Variants in LONP2 observed in about 807,000 individuals in gnomAD.
The protein encoded by LONP2 is lon protease homolog 2, peroxisomal.
In LONP2, 60 loss-of-function variants were observed where a neutral mutation model predicts 85.6. That is an observed-to-expected ratio of 0.70 (90% CI 0.57 to 0.87). LONP2 has a LOEUF of 0.87. LONP2 is among the 40% of genes least tolerant of loss of function. The pLI is 0.00. For missense variants in LONP2, 860 were observed against 1,063.5 expected (o/e 0.81, Z 2.66); for synonymous variants, 395 against 389.7 (o/e 1.01, Z -0.16).
intron 7 of LONP2, among the ~76,000 whole-genome samples, chr16:48,273,822 C>A (rs1405462629): frequency 6.6e-6 from 1 of 151,924 alleles, no homozygotes; most frequent in Admixed American, 6.6e-5. Context: ...GATATTAACT[C>A]CTAGAAATAC....
chr16:48,251,070 C>A (rs57531822), intron 1 of LONP2, among the ~76,000 whole-genome samples: 1 of 152,314 alleles, frequency 6.6e-6, no homozygotes, highest in East Asian at 1.9e-4. Context: ...TATGTGTAAT[C>A]TACGGAATGA....
At chr16:48,289,107 T>C (rs955090809) in intron 8 of LONP2, among the ~76,000 whole-genome samples, 4 of 152,196 alleles carry the variant, frequency 2.6e-5, no homozygotes, top group African/African-American at 9.7e-5. Context: ...AATGATACTT[T>C]GCAGGAATCT....
At chr16:48,315,703 C>T (rs1287048300) in intron 11 of LONP2, among the ~76,000 whole-genome samples, 1 of 152,094 alleles carries the variant, frequency 6.6e-6, no homozygotes, top group Non-Finnish European at 1.5e-5. Flanking sequence ...TTTGTATACT[C>T]TTTTATTGGT....
At chr16:48,325,300 TACTGACCAGTCC>T (rs1973347513) in intron 11 of LONP2, among the ~76,000 whole-genome samples, 1 of 152,204 alleles carries the variant, frequency 6.6e-6, no homozygotes, top group Admixed American at 6.5e-5. Flanking sequence ...CATGGACTGG[TACTGACCAGTCC>T]ACAGCCTAGG....
intron 2 of LONP2, among the ~76,000 whole-genome samples, chr16:48,255,677 ATAAT>A (rs1971743963): frequency 6.6e-6 from 1 of 151,992 alleles, no homozygotes; most frequent in Non-Finnish European, 1.5e-5. Context: ...CCAGGTGTAG[ATAAT>A]TGAATTATGG....
At chr16:48,339,285 A>G (rs974482548) in intron 12 of LONP2, among the ~76,000 whole-genome samples, 3 of 152,196 alleles carry the variant, frequency 2.0e-5, no homozygotes, top group Admixed American at 6.5e-5. Context: ...GAAAGAGGGG[A>G]CATCAAAATG....
intron 11 of LONP2, among the ~76,000 whole-genome samples, chr16:48,320,274 G>A (rs927703127): frequency 1.3e-5 from 2 of 152,132 alleles, no homozygotes; most frequent in Non-Finnish European, 2.9e-5. Context: ...ACAGATAGGG[G>A]TTAGAAGTTT....
At chr16:48,339,156 A>G (rs1258181177) in intron 12 of LONP2, among the ~76,000 whole-genome samples, 1 of 152,214 alleles carries the variant, frequency 6.6e-6, no homozygotes, top group Non-Finnish European at 1.5e-5. Flanking sequence ...TATAGAGAGA[A>G]GAGGAGCCAA....
At chr16:48,340,954 T>C (rs915297542) in intron 12 of LONP2, among the ~76,000 whole-genome samples, 1 of 151,964 alleles carries the variant, frequency 6.6e-6, no homozygotes, top group Admixed American at 6.6e-5. Flanking sequence ...GGGTAATTTA[T>C]AAAGAAAAGA....
chr16:48,296,277 T>C, intron 9 of LONP2, 112 bp downstream of exon 9: 7 of 1,170,508 alleles, frequency 6.0e-6, no homozygotes, highest in South Asian at 1.5e-5. Flanking sequence ...ACATACAATC[T>C]TCAGAAGTTC....
intron 11 of LONP2, among the ~76,000 whole-genome samples, chr16:48,312,927 G>T (rs1223242489): frequency 1.3e-5 from 2 of 152,286 alleles, no homozygotes; most frequent in East Asian, 1.9e-4. Flanking sequence ...GGTAGATTGT[G>T]GGGTGAAGCC....
intron 9 of LONP2, among the ~76,000 whole-genome samples, chr16:48,298,539 T>C (rs1054292437): frequency 2.0e-5 from 3 of 152,030 alleles, no homozygotes; most frequent in African/African-American, 7.2e-5. Context: ...AGGTTTTCTT[T>C]TGCTGCTACA....
At chr16:48,337,110 T>A (rs1959673703) in intron 12 of LONP2, among the ~76,000 whole-genome samples, 1 of 152,214 alleles carries the variant, frequency 6.6e-6, no homozygotes, top group Non-Finnish European at 1.5e-5. Context: ...TTGAAGAGAT[T>A]AAATGAATTG....
At chr16:48,349,172 T>C (rs1960063978) in intron 14 of LONP2, among the ~76,000 whole-genome samples, 1 of 151,020 alleles carries the variant, frequency 6.6e-6, no homozygotes, top group African/African-American at 2.5e-5. Flanking sequence ...AAGTTGTTAG[T>C]TGAGTATTAG....
intron 1 of LONP2, among the ~76,000 whole-genome samples, chr16:48,245,920 T>C (rs1971354637): frequency 6.6e-6 from 1 of 152,092 alleles, no homozygotes; most frequent in South Asian, 2.1e-4. Context: ...ACTGGAGGTG[T>C]TGTGTTTTCA....
At chr16:48,267,825 A>T (rs1044938645) in intron 6 of LONP2, among the ~76,000 whole-genome samples, 5 of 152,262 alleles carry the variant, frequency 3.3e-5, no homozygotes, top group African/African-American at 1.2e-4. Context: ...CATGTTGGCC[A>T]GGCTGGTCTC....
At chr16:48,275,357 G>A (rs577198095) in intron 7 of LONP2, among the ~76,000 whole-genome samples, 2 of 152,224 alleles carry the variant, frequency 1.3e-5, no homozygotes, top group South Asian at 4.2e-4. Context: ...GTGCTGGCAC[G>A]GTGGATCTGG....
At chr16:48,318,157 A>T (rs898178828) in intron 11 of LONP2, among the ~76,000 whole-genome samples, 1 of 152,154 alleles carries the variant, frequency 6.6e-6, no homozygotes, top group Non-Finnish European at 1.5e-5. Flanking sequence ...TGGTTGAGGA[A>T]GGAGCTGCAC....
chr16:48,307,255 C>G (rs923045045), intron 11 of LONP2, among the ~76,000 whole-genome samples: 3 of 152,164 alleles, frequency 2.0e-5, no homozygotes, highest in African/African-American at 7.2e-5. Context: ...AGAATGCTGC[C>G]TCTGTTTTTC....
Sources: allele counts gnomAD v4.1 joint callset (sites outside exome capture counted in the v4.1 genomes callset), GRCh38; gene constraint gnomAD v4.1.1; transcripts MANE v1.5; gene names NCBI Gene and HGNC (gene_info 2026-07-23, HGNC 2026-07-21).